SRGAP3: variants seen among roughly 807,000 people sequenced by gnomAD.
The protein encoded by SRGAP3 is SLIT-ROBO Rho GTPase-activating protein 3.
A neutral mutation model predicts 121.1 loss-of-function variants in SRGAP3; 39 were observed. The observed-to-expected ratio is 0.32, with a 90% CI of 0.25 to 0.42. The LOEUF (loss-of-function observed/expected upper bound fraction) is 0.42. Among genes scored for constraint, SRGAP3 ranks in the 10% least tolerant of loss-of-function variants. The pLI is 1.00. For missense variants in SRGAP3, 1,213 were observed against 1,470.6 expected, an observed-to-expected ratio of 0.82 and a Z score of 2.86; for synonymous variants, 601 against 570.0, an observed-to-expected ratio of 1.05 and a Z score of -0.77.
chr3:8,985,627 G>T lies in SRGAP3; in HGVS notation c.3192C>A (p.Val1064=). Residue 1064 remains valine, a synonymous_variant, in exon 22 of 22, where the codon GTC becomes GTA. Transcript: ENST00000383836. The surrounding 1 kb of genome is among the most constrained non-coding windows in gnomAD (Gnocchi z 5.1). ...PPPMRPVRPV[V]QHRSSSSSSS... ...TGCTGCTGCTGCTGGACCGGTGCTG[G>T]ACCACCGGCCGCACGGGCCGCATGG... 1 of 1,595,658 alleles carries T rather than the reference G, an allele frequency of 6.3e-7. No homozygotes were observed. The highest frequency in any genetic ancestry group is 8.5e-7 in the Non-Finnish European group (1 of 1,177,930).
intron 1 of SRGAP3, among the ~76,000 whole-genome samples, chr3:9,219,834 G>C (rs1207204505): frequency 2.0e-5 from 3 of 152,082 alleles, no homozygotes; most frequent in Non-Finnish European, 4.4e-5. Context: ...CTGGGCGACA[G>C]AGTACAAAAA....
chr3:9,094,150 T>G (rs1947873377), intron 3 of SRGAP3, among the ~76,000 whole-genome samples: 1 of 152,236 alleles, frequency 6.6e-6, no homozygotes, highest in Admixed American at 6.5e-5. Flanking sequence ...CATTCTACAT[T>G]TGCATAGCTT....
intron 1 of SRGAP3, among the ~76,000 whole-genome samples, chr3:9,175,353 G>C (rs145929814): frequency 6.6e-4 from 101 of 152,322 alleles, no homozygotes; most frequent in Non-Finnish European, 1.2e-3. Context: ...TACGAAAAGA[G>C]AGCATTTTGT....
chr3:9,168,261 C>A (rs567981215), intron 1 of SRGAP3, among the ~76,000 whole-genome samples: 16 of 152,352 alleles, frequency 1.1e-4, no homozygotes, highest in African/African-American at 3.8e-4. Context: ...TGGATCTGGA[C>A]AAACTCAGAC....
intron 4 of SRGAP3, among the ~76,000 whole-genome samples, chr3:9,071,653 T>G (rs1242365720): frequency 6.7e-6 from 1 of 149,256 alleles, no homozygotes; most frequent in East Asian, 2.0e-4. Context: ...GATGGATGGA[T>G]GGATGGATGG....
At chr3:9,329,791 A>G (rs1955575642) in intron 2 of SRGAP3, among the ~76,000 whole-genome samples, 1 of 152,076 alleles carries the variant, frequency 6.6e-6, no homozygotes, top group Non-Finnish European at 1.5e-5. Flanking sequence ...GGTGGGAGGA[A>G]AAAGCTCCCC....
At chr3:9,250,172 G>C (rs1953972755), upstream of SRGAP3, among the ~76,000 whole-genome samples, 1 of 152,190 alleles carries the variant, frequency 6.6e-6, no homozygotes, top group African/African-American at 2.4e-5. Context: ...GTCAGACTGA[G>C]CCTCAGTTTC....
intron 11 of SRGAP3, chr3:9,035,972 G>T (rs1259660840): frequency 6.6e-6 from 1 of 152,272 alleles, no homozygotes; most frequent in East Asian, 1.9e-4. Flanking sequence ...ATGTCAACCT[G>T]GGTAAGGGGA....
At chr3:9,047,661 G>A (rs1574974242) in intron 9 of SRGAP3, among the ~76,000 whole-genome samples, 186 bp from the exon 10 acceptor site, 1 of 152,352 alleles carries the variant, frequency 6.6e-6, no homozygotes, top group East Asian at 1.9e-4. Flanking sequence ...GAACCCCAGC[G>A]CTGACAGGCG....
At chr3:9,213,550 A>G (rs965989291) in intron 1 of SRGAP3, among the ~76,000 whole-genome samples, 1 of 152,206 alleles carries the variant, frequency 6.6e-6, no homozygotes, top group African/African-American at 2.4e-5. Context: ...TCCCTTGCTT[A>G]GGCTACTGCA....
rs1200538611 is a variant in SRGAP3, at chr3:9,015,631, A to G, written c.1779T>C (p.Pro593=). Residue 593 remains proline (P), a synonymous_variant, in exon 15 of 22, where the codon CCT becomes CCC. Transcript: ENST00000383836. The part of the protein sequence containing the change: ...YFRGLENPLF[P]KERFQDLIST... ...ATATCAAATCTTGAAACCTTTCCTT[A>G]GGAAAGAGTGGGTTTTCCAGTCCTC... The G allele has an allele frequency of 1.9e-6, 3 of 1,614,086 alleles. No homozygotes were observed. Among genetic ancestry groups the G allele is most frequent in the African/African-American group, 1.3e-5 (1 of 74,938 alleles).
intron 14 of SRGAP3, 71 bp from the exon 15 acceptor site, chr3:9,015,802 G>C: frequency 6.3e-7 from 1 of 1,592,416 alleles, no homozygotes; most frequent in South Asian, 1.1e-5. Context: ...GATGGCCGAA[G>C]AGATGACCTG....
chr3:9,037,630 C>T (rs1944815260), intron 11 of SRGAP3: 1 of 250,190 alleles, frequency 4.0e-6, no homozygotes, highest in South Asian at 5.7e-5. Flanking sequence ...GGCCCAAAGC[C>T]TTGGTACATG....
intron 3 of SRGAP3, among the ~76,000 whole-genome samples, chr3:9,299,963 C>A (rs989472069): frequency 6.6e-6 from 1 of 151,716 alleles, no homozygotes; most frequent in African/African-American, 2.4e-5. Flanking sequence ...TCACAAGGAA[C>A]CTTCACAAGC....
chr3:9,324,988 G>A (rs766789391), intron 3 of SRGAP3, among the ~76,000 whole-genome samples: 4 of 151,490 alleles, frequency 2.6e-5, no homozygotes, highest in Non-Finnish European at 4.4e-5. Context: ...TTTTGGCCAG[G>A]TTCTCACTTA....
intron 20 of SRGAP3, among the ~76,000 whole-genome samples, chr3:8,991,960 C>T (rs1485971304): frequency 6.6e-6 from 1 of 152,190 alleles, no homozygotes; most frequent in Non-Finnish European, 1.5e-5. Flanking sequence ...AGATATGGTC[C>T]TCCTAGAAGT....
intron 2 of SRGAP3, among the ~76,000 whole-genome samples, chr3:9,110,458 A>T (rs1438220338): frequency 1.3e-5 from 2 of 152,256 alleles, no homozygotes; most frequent in Non-Finnish European, 2.9e-5. Flanking sequence ...GGCTTTACAA[A>T]TGCTGTGGCC....
intron 1 of SRGAP3, among the ~76,000 whole-genome samples, chr3:9,245,304 T>G (rs764073898): frequency 1.1e-4 from 17 of 152,178 alleles, no homozygotes; most frequent in Admixed American, 3.9e-4. Flanking sequence ...ACCCTTCTAC[T>G]GCCTGCACTG....
At chr3:9,006,398 C>CAA (rs71049762) in intron 18 of SRGAP3, among the ~76,000 whole-genome samples, 2,817 of 122,754 alleles carry the variant, frequency 0.023, 48 homozygotes, top group Non-Finnish European at 0.034. Context: ...GACTCTGTCT[C>CAA]AAAAAAAAAA....
Sources: gnomAD v4.1 joint callset for allele counts (sites outside exome capture counted in the v4.1 genomes callset) on GRCh38, gnomAD v4.1.1 for gene constraint, Gnocchi (gnomAD v3.1) non-coding constraint, MANE v1.5 for transcripts, NCBI Gene and HGNC (gene_info 2026-07-23, HGNC 2026-07-21) for gene names.